The following RNF32 variants were observed in gnomAD, a reference collection of about 807,000 sequenced individuals.
The protein encoded by RNF32 is ring finger protein 32.
In RNF32, 36 loss-of-function variants were observed where a neutral mutation model predicts 41.0. The ratio of observed to expected loss-of-function variants is 0.88; its 90% confidence interval spans 0.67 to 1.16. RNF32 has a LOEUF of 1.16. RNF32 is among the 50% of genes most tolerant of loss of function. The pLI, the probability that RNF32 is intolerant of heterozygous loss-of-function variation, is 0.00. For synonymous variants in RNF32, 154 were observed against 160.9 expected (o/e 0.96, Z 0.32); for missense variants, 413 against 436.7 (o/e 0.95, Z 0.48).
chr7:156,647,645 G>A lies in RNF32; in HGVS notation c.274+2888G>A, dbSNP rs529119522. On this transcript the variant is annotated intron_variant, in intron 3 of 8. Transcript: ENST00000317955. ...GTGAATTGGGCTGCAATAAACATAC[G>A]TATGCATGCATCTTTTTCATATAAT... is the stretch of plus-strand genomic sequence containing the variant. Among the ~76,000 whole-genome samples the A allele has an allele frequency of 1.1e-4, 17 of 152,262 alleles. 1 individual carries two copies. In the Middle Eastern group the frequency reaches 0.01, roughly 91 times the overall value.
chr7:156,655,536 G>A (rs1799525863), intron 4 of RNF32, among the ~76,000 whole-genome samples: 1 of 152,182 alleles, frequency 6.6e-6, no homozygotes, highest in Non-Finnish European at 1.5e-5. Context: ...CAGCCTTGGA[G>A]TTTGTAGCCT....
At chr7:156,649,723 G>T (rs1203581895) in intron 3 of RNF32, among the ~76,000 whole-genome samples, 1 of 152,116 alleles carries the variant, frequency 6.6e-6, no homozygotes, top group East Asian at 1.9e-4. Flanking sequence ...AAATTACAGT[G>T]ACAGACTCTG....
At chr7:156,667,677 C>G (rs1368288315) in intron 7 of RNF32, among the ~76,000 whole-genome samples, 1 of 152,178 alleles carries the variant, frequency 6.6e-6, no homozygotes, top group East Asian at 1.9e-4. Context: ...ACGGAAGAAT[C>G]TGACAATTAA....
rs777747068 is a variant in RNF32, at chr7:156,658,223, C to T, written c.546C>T (p.Ala182=). The change falls in exon 6 of 9, where the codon GCC becomes GCT. Residue 182 remains alanine, a synonymous_variant. Transcript: ENST00000317955. Reference sequence around the variant, plus strand: ...AAACCCGAGTGATACACGATGGGGCCCGCCTGTTCAGAATCAAGTGTGTGA... The same window carrying T: ...AAACCCGAGTGATACACGATGGGGCTCGCCTGTTCAGAATCAAGTGTGTGA... The part of the protein sequence containing the change: ...QYQTRVIHDG[A]RLFRIKCVTR... 6.2e-7 allele frequency: 1 copy of T among 1,614,166 alleles called. No homozygotes were observed. The highest frequency in any genetic ancestry group is 1.7e-5 in the Admixed American group (1 of 60,026).
intron 7 of RNF32, among the ~76,000 whole-genome samples, chr7:156,672,821 G>A (rs538995024): frequency 6.6e-6 from 1 of 152,358 alleles, no homozygotes; most frequent in East Asian, 1.9e-4. Context: ...GGAGTTGGGA[G>A]GTGACACCTC....
chr7:156,649,408 CT>C lies in RNF32; in HGVS notation c.274+4660del, dbSNP rs1010068170. 4.0e-5 allele frequency among the ~76,000 whole-genome samples: 6 copies of C among 150,622 alleles called. No homozygotes were observed. The South Asian group carries it at 6.3e-4, about 16-fold the overall frequency. On this transcript the variant is annotated intron_variant, in intron 3 of 8. Transcript: ENST00000317955. ...TTATGCCCCTTCTTTTTTTTCCCTG[CT>C]TTTTTTTTAATCTGGCCAGGATCTC...
At chr7:156,646,362 C>T (rs1021987701) in intron 3 of RNF32, 19 of 1,242,472 alleles carry the variant, frequency 1.5e-5, no homozygotes, top group Non-Finnish European at 2.0e-5. Context: ...CATTGCTTAG[C>T]TTGTGGCAGC....
At chr7:156,671,561 A>G (rs1802539905) in intron 7 of RNF32, among the ~76,000 whole-genome samples, 1 of 151,932 alleles carries the variant, frequency 6.6e-6, no homozygotes, top group Non-Finnish European at 1.5e-5. Flanking sequence ...AGATGTCATC[A>G]TAGGTCGAGA....
Position 156,654,704 on chromosome 7 carries a change from G to T in RNF32, c.403G>T (p.Glu135Ter). 5 of 1,614,028 alleles carry T rather than the reference G, an allele frequency of 3.1e-6. No homozygotes were observed. The highest frequency in any genetic ancestry group is 4.2e-6 in the Non-Finnish European group (5 of 1,179,902). Residue 135 changes from glutamate to a stop codon, truncating the protein, a stop_gained, in exon 4 of 9, where the codon GAG becomes TAG. Coordinates refer to ENST00000317955, the MANE Select transcript of RNF32 (RefSeq NM_030936.4). LOFTEE classifies it high-confidence loss of function. ...QPCPICKEEF[E>*]LRPQVLLSCS... ...ATGCCCCATCTGTAAAGAAGAATTCGAGCTTCGTCCTCAGGTGTTTAGCAT... is the reference window on the plus strand; with the variant it reads ...ATGCCCCATCTGTAAAGAAGAATTCTAGCTTCGTCCTCAGGTGTTTAGCAT...
At chr7:156,652,617 G>A (rs1357379049) in intron 3 of RNF32, among the ~76,000 whole-genome samples, 1 of 152,008 alleles carries the variant, frequency 6.6e-6, no homozygotes, top group Non-Finnish European at 1.5e-5. Flanking sequence ...ACCACTTCAT[G>A]ACGTCTTGAT....
intron 7 of RNF32, among the ~76,000 whole-genome samples, chr7:156,667,937 C>T (rs778549602): frequency 5.9e-5 from 9 of 152,164 alleles, no homozygotes; most frequent in African/African-American, 1.2e-4. Context: ...TGAATTTTGA[C>T]GCTGAAAGTA....
chr7:156,641,155 G>C (rs542212183), intron 1 of RNF32, among the ~76,000 whole-genome samples: 19 of 152,316 alleles, frequency 1.2e-4, no homozygotes, highest in Admixed American at 8.5e-4. Flanking sequence ...GCTTTGAGAG[G>C]AATTGGAGCC....
intron 7 of RNF32, among the ~76,000 whole-genome samples, chr7:156,663,323 G>A (rs1800906747): frequency 6.6e-6 from 1 of 152,096 alleles, no homozygotes; most frequent in African/African-American, 2.4e-5. Flanking sequence ...CAAAATATAT[G>A]TGTGTGCACA....
chr7:156,641,843 A>T (rs931120635), intron 1 of RNF32, among the ~76,000 whole-genome samples: 1 of 152,200 alleles, frequency 6.6e-6, no homozygotes, highest in African/African-American at 2.4e-5. Flanking sequence ...AGTTGTCTTG[A>T]TGAGATACAG....
intron 3 of RNF32, among the ~76,000 whole-genome samples, chr7:156,648,029 GTT>G (rs11450384): frequency 7.0e-6 from 1 of 142,898 alleles, no homozygotes. Flanking sequence ...GGGATTATTT[GTT>G]TTTTTTTTTT....
Position 156,675,774 on chromosome 7 carries a change from T to G in RNF32, c.763T>G (p.Leu255Val), listed in dbSNP as rs1563104331. The part of the protein sequence containing the change: ...EELFAEIDQC[L>V]AINRSVLQQL... ...GCTCTTTGCAGAAATCGATCAGTGC[T>G]TGGCCATAAATCGAAGTGTTCTTCA... The change falls in exon 8 of 9, where the codon TTG (leucine) becomes GTG (valine). Residue 255 changes from leucine to valine, a missense_variant. By Grantham distance (32) the Leu-to-Val change is conservative. Coordinates refer to ENST00000317955, the MANE Select transcript of RNF32 (RefSeq NM_030936.4). 1.2e-6 allele frequency: 2 copies of G among 1,614,098 alleles called. No homozygotes were observed. Among genetic ancestry groups the G allele is most frequent in the East Asian group, 4.5e-5 (2 of 44,864 alleles).
intron 3 of RNF32, among the ~76,000 whole-genome samples, chr7:156,650,970 G>A (rs1223075748): frequency 6.6e-6 from 1 of 152,094 alleles, no homozygotes; most frequent in Admixed American, 6.5e-5. Flanking sequence ...ATGCCACTTT[G>A]GTCAAGTAAC....
chr7:156,667,407 T>G (rs569854177), intron 7 of RNF32, among the ~76,000 whole-genome samples: 213 of 152,358 alleles, frequency 1.4e-3, no homozygotes, highest in African/African-American at 4.6e-3. Context: ...TATCAATAAC[T>G]CAAACTCTTA....
intron 4 of RNF32, among the ~76,000 whole-genome samples, chr7:156,655,248 C>CAT: frequency 6.6e-6 from 1 of 151,882 alleles, no homozygotes; most frequent in South Asian, 2.1e-4. Context: ...CGCACACACA[C>CAT]ACACACACAC....
Sources: allele counts gnomAD v4.1 joint callset (sites outside exome capture counted in the v4.1 genomes callset), GRCh38; gene constraint gnomAD v4.1.1; transcripts MANE v1.5; gene names NCBI Gene and HGNC (gene_info 2026-07-23, HGNC 2026-07-21).